The following RAPGEF5 variants were observed in gnomAD, a reference collection of about 807,000 sequenced individuals.
The protein encoded by RAPGEF5 is M-Ras-regulated GEF.
A neutral mutation model predicts 125.2 loss-of-function variants in RAPGEF5; 65 were observed. The ratio of observed to expected loss-of-function variants is 0.52; its 90% CI spans 0.43 to 0.64. The LOEUF (loss-of-function observed/expected upper bound fraction) is 0.64, where lower values mean the gene tolerates loss of function less well. RAPGEF5 is among the 30% of genes least tolerant of loss of function. RAPGEF5 has a pLI of 0.00. For synonymous variants in RAPGEF5, 391 were observed against 385.9 expected (o/e 1.01, Z -0.16); for missense variants, 958 against 1,048.1 (o/e 0.91, Z 1.19).
intron 6 of RAPGEF5, among the ~76,000 whole-genome samples, chr7:22,272,633 T>C (rs879713602): frequency 6.6e-6 from 1 of 152,196 alleles, no homozygotes; most frequent in Non-Finnish European, 1.5e-5. Flanking sequence ...CTAATATTCT[T>C]CCATGTTTTA....
chr7:22,223,169 G>A (rs377061963), intron 8 of RAPGEF5, among the ~76,000 whole-genome samples: 8 of 152,040 alleles, frequency 5.3e-5, no homozygotes, highest in African/African-American at 9.7e-5. Flanking sequence ...CTAGTGTTTC[G>A]ATACTGGGAA....
At position 22,118,284 on chromosome 7, in the gene RAPGEF5, A is replaced by C. The variant is rs533125957; in HGVS notation, c.*4122T>G. 6.6e-6 allele frequency: 1 copy of C among 152,632 alleles called. No individual in the cohort carries two copies. The highest frequency in any genetic ancestry group is 2.1e-4 in the South Asian group (1 of 4,810). The allele number at this position is 152,632 out of a possible 1,614,324, so 9.5% of individuals were successfully genotyped here. On this transcript the variant is annotated 3_prime_UTR_variant, in exon 26 of 26. Transcript: ENST00000665637. ...ATCCACACACATCACAGAGAAAGCAAGAAACTAAGAGGCATGAATAGTGTC... is the reference window on the plus strand; with the variant it reads ...ATCCACACACATCACAGAGAAAGCACGAAACTAAGAGGCATGAATAGTGTC...
intron 25 of RAPGEF5, among the ~76,000 whole-genome samples, chr7:22,124,495 C>T (rs1562699598): frequency 6.6e-6 from 1 of 152,112 alleles, no homozygotes; most frequent in African/African-American, 2.4e-5. Context: ...AAAACATAAT[C>T]CACACAGAAG....
At chr7:22,281,662 A>G (rs1178649359) in intron 6 of RAPGEF5, among the ~76,000 whole-genome samples, 3 of 152,254 alleles carry the variant, frequency 2.0e-5, no homozygotes, top group East Asian at 1.9e-4. Context: ...GTGAGGAGAT[A>G]CAATGTGGCT....
chr7:22,216,859 T>G (rs1785650306), intron 9 of RAPGEF5, among the ~76,000 whole-genome samples: 2 of 152,256 alleles, frequency 1.3e-5, no homozygotes, highest in Non-Finnish European at 2.9e-5. Flanking sequence ...GAGTGAAGCA[T>G]TTCTCTAATG....
chr7:22,206,687 A>G (rs1785405275), intron 9 of RAPGEF5, among the ~76,000 whole-genome samples: 1 of 148,628 alleles, frequency 6.7e-6, no homozygotes. Context: ...CCATGTCACA[A>G]GAAAAAAAAA....
rs1782547126 is a variant in RAPGEF5 at position 22,120,326 on chromosome 7, G to C, written c.*2080C>G. Reference sequence around the variant, plus strand: ...TGGCTTGGTGGGCATATCTGACTTGGGGTCTGAGCAGCATGCAATATGCTG... The same window carrying C: ...TGGCTTGGTGGGCATATCTGACTTGCGGTCTGAGCAGCATGCAATATGCTG... On this transcript the variant is annotated 3_prime_UTR_variant, in exon 26 of 26. Coordinates refer to ENST00000665637, the MANE Select transcript of RAPGEF5 (RefSeq NM_012294.5). This position sits in a 1 kb window ranked among gnomAD's most constrained non-coding sequence, Gnocchi z 4.0. 6.6e-6 allele frequency: 1 copy of C among 152,204 alleles called. No homozygotes were observed. The highest frequency in any genetic ancestry group is 6.5e-5 in the Admixed American group (1 of 15,268). The allele number at this position is 152,204 out of a possible 1,614,324, so 9.4% of individuals were successfully genotyped here. A position where few individuals can be genotyped will look rare whatever the true frequency, so the allele number is the denominator to read the frequency against.
Position 22,157,893 on chromosome 7 carries a change from G to T in RAPGEF5, c.1527-8C>A, listed in dbSNP as rs763493160. 1.9e-6 allele frequency: 3 copies of T among 1,608,198 alleles called. No individual in the cohort carries two copies. The highest frequency in any genetic ancestry group is 2.6e-6 in the Non-Finnish European group (3 of 1,175,278). ...GAATATTCATCTACAGTGCTGAAAGGAAAAATGGCAAGAAGTCAGTCTTTG... is the reference window on the plus strand; with the variant it reads ...GAATATTCATCTACAGTGCTGAAAGTAAAAATGGCAAGAAGTCAGTCTTTG... On this transcript the variant is annotated splice_polypyrimidine_tract_variant and splice_region_variant and intron_variant, in intron 14 of 25. Coordinates refer to ENST00000665637, the MANE Select transcript of RAPGEF5 (RefSeq NM_012294.5).
At chr7:22,294,761 G>A (rs1462201692) in intron 5 of RAPGEF5, among the ~76,000 whole-genome samples, 2 of 152,088 alleles carry the variant, frequency 1.3e-5, no homozygotes, top group Non-Finnish European at 1.5e-5. Context: ...CTGCCACTGT[G>A]GTCCCAGCCA....
rs142585120 is a variant in RAPGEF5, at chr7:22,343,441, T to C, written c.231+13389A>G. On this transcript the variant is annotated intron_variant, in intron 1 of 25. Transcript: ENST00000665637. ...AATTGTAACAACAGAAAATTTGAGA[T>C]TGGGGGCTTGTTTTGTCTTTATATA... Among the ~76,000 whole-genome samples the C allele has an allele frequency of 5.1e-4, 78 of 152,300 alleles. 1 individual carries two copies. In the East Asian group the frequency reaches 0.012, roughly 23 times the overall value.
chr7:22,180,777 TACTTAACAA>T lies in RAPGEF5; in HGVS notation c.1204+12581_1204+12589del, dbSNP rs112881778. ...AGGTACATTCAAGGAGTGTTAAGAA[TACTTAACAA>T]TATTAATTCATCCTGATCTCACTAC... On this transcript the variant is annotated intron_variant, in intron 11 of 25. Transcript: ENST00000665637. Among the ~76,000 whole-genome samples, 50 of 152,312 alleles carry T rather than the reference TACTTAACAA, an allele frequency of 3.3e-4. 3 individuals carry two copies. Among genetic ancestry groups the T allele is most frequent in the African/African-American group, 9.9e-4 (41 of 41,576 alleles).
intron 9 of RAPGEF5, among the ~76,000 whole-genome samples, chr7:22,199,839 T>C (rs1161315002): frequency 3.3e-5 from 5 of 152,152 alleles, no homozygotes; most frequent in Non-Finnish European, 7.4e-5. Context: ...AGTGGCTGAC[T>C]GGGGACCAAT....
intron 7 of RAPGEF5, among the ~76,000 whole-genome samples, chr7:22,245,665 G>C (rs12531808): frequency 0.11 from 17,083 of 151,988 alleles, 1,056 homozygotes; most frequent in Middle Eastern, 0.13. Flanking sequence ...CATAAACTGA[G>C]AAAACCATAG....
chr7:22,320,592 AC>A (rs1783695739), intron 1 of RAPGEF5, among the ~76,000 whole-genome samples: 2 of 152,148 alleles, frequency 1.3e-5, no homozygotes, highest in Non-Finnish European at 2.9e-5. Flanking sequence ...TTCCATTTTA[AC>A]ATTCTTTCCC....
chr7:22,305,041 A>G (rs759467686), intron 5 of RAPGEF5, among the ~76,000 whole-genome samples: 1 of 152,226 alleles, frequency 6.6e-6, no homozygotes, highest in Non-Finnish European at 1.5e-5. Context: ...AATGATCCCC[A>G]TAACTTGTGG....
intron 7 of RAPGEF5, among the ~76,000 whole-genome samples, chr7:22,242,357 G>A (rs1284573971): frequency 1.3e-5 from 2 of 152,202 alleles, no homozygotes; most frequent in Non-Finnish European, 2.9e-5. Context: ...ATGCCCTGGG[G>A]ATAGGGACTT....
intron 7 of RAPGEF5, among the ~76,000 whole-genome samples, chr7:22,250,999 G>A (rs370548224): frequency 1.3e-5 from 2 of 152,148 alleles, no homozygotes; most frequent in African/African-American, 4.8e-5. Flanking sequence ...TTTGGTAGAA[G>A]CCCATGTTTT....
chr7:22,286,243 G>A (rs1282283143), intron 6 of RAPGEF5, among the ~76,000 whole-genome samples: 2 of 152,172 alleles, frequency 1.3e-5, no homozygotes, highest in East Asian at 3.9e-4. Flanking sequence ...TGTGATGGCT[G>A]ACTTCATCCA....
chr7:22,230,748 T>C (rs1164008029), intron 8 of RAPGEF5, 98 bp downstream of exon 8: 2 of 1,148,052 alleles, frequency 1.7e-6, no homozygotes, highest in African/African-American at 1.6e-5. Context: ...TTACAAAACA[T>C]AAAAGGTAAA....
Sources: allele counts gnomAD v4.1 joint callset (sites outside exome capture counted in the v4.1 genomes callset), GRCh38; gene constraint gnomAD v4.1.1; non-coding constraint Gnocchi (gnomAD v3.1); transcripts MANE v1.5; gene names NCBI Gene and HGNC (gene_info 2026-07-23, HGNC 2026-07-21).